CRPPA: variants seen among roughly 807,000 people sequenced by gnomAD.
CRPPA encodes the protein CDP-L-ribitol pyrophosphorylase A, also known as D-ribitol-5-phosphate cytidylyltransferase.
Under a neutral mutation model 52.0 loss-of-function variants are expected in CRPPA, and 43 were observed. The observed-to-expected ratio is 0.83, with a 90% confidence interval of 0.65 to 1.07. The LOEUF is 1.07. Ranked by LOEUF, CRPPA falls within the 50% of genes least tolerant of loss-of-function variation. CRPPA has a pLI of 0.00. For synonymous variants in CRPPA, 250 were observed against 203.5 expected (o/e 1.23, Z -1.94); for missense variants, 629 against 551.7 (o/e 1.14, Z -1.40).
At position 16,421,380 on chromosome 7, in the gene CRPPA, T is replaced by TC. The variant is rs1486399607; in HGVS notation, c.-59dup. ...TCGGGCCGATGCGACCCCGCGCTGC[T>TC]CCCACCCTCGGCCGGGGTCGCGGGG... On this transcript the variant is annotated 5_prime_UTR_variant, in exon 1 of 10. Transcript: ENST00000407010. 4 of 1,214,756 alleles carry TC rather than the reference T, an allele frequency of 3.3e-6. No homozygotes were observed. The highest frequency in any genetic ancestry group is 4.1e-6 in the Non-Finnish European group (4 of 976,934). 75.2% of individuals were successfully genotyped at this position (1,214,756 alleles called of 1,614,324 possible).
chr7:16,205,131 T>C (rs934244064), intron 9 of CRPPA, among the ~76,000 whole-genome samples: 6 of 152,186 alleles, frequency 3.9e-5, no homozygotes, highest in Non-Finnish European at 8.8e-5. Flanking sequence ...TATTCACCAT[T>C]ACTTATGTTC....
chr7:16,255,543 A>G (rs1022965010), intron 8 of CRPPA, among the ~76,000 whole-genome samples: 2 of 152,222 alleles, frequency 1.3e-5, no homozygotes. Flanking sequence ...TTCAAACTAT[A>G]CTGCAAGGCT....
intron 9 of CRPPA, chr7:16,209,273 C>CTTTTCTTTTTTTTTTTTTTTTTTTT (rs1782058536): frequency 8.2e-6 from 1 of 122,066 alleles, no homozygotes; most frequent in Non-Finnish European, 1.8e-5. Flanking sequence ...TTCTAAGTGT[C>CTTTTCTTTTTTTTTTTTTTTTTTTT]TTTTTTTTTT....
chr7:16,362,288 C>T (rs1236844777), intron 3 of CRPPA, among the ~76,000 whole-genome samples: 1 of 152,174 alleles, frequency 6.6e-6, no homozygotes, highest in South Asian at 2.1e-4. Context: ...ATCACTGTGC[C>T]AGCAGATTTG....
intron 3 of CRPPA, among the ~76,000 whole-genome samples, chr7:16,340,839 G>C (rs1041054825): frequency 6.6e-6 from 1 of 152,076 alleles, no homozygotes; most frequent in Non-Finnish European, 1.5e-5. Flanking sequence ...AATTTCTAAA[G>C]CTTGGAAGCA....
chr7:16,205,489 A>G (rs1781955330), intron 9 of CRPPA, among the ~76,000 whole-genome samples: 6 of 152,156 alleles, frequency 3.9e-5, no homozygotes, highest in Admixed American at 3.9e-4. Context: ...TAAACTGGTA[A>G]TTTTTAGGCT....
At chr7:16,137,120 G>T (rs1300114849) in intron 9 of CRPPA, among the ~76,000 whole-genome samples, 1 of 152,208 alleles carries the variant, frequency 6.6e-6, no homozygotes, top group African/African-American at 2.4e-5. Context: ...GCCCCCAGAG[G>T]CAGGACCTTT....
intron 3 of CRPPA, among the ~76,000 whole-genome samples, chr7:16,359,376 T>C (rs1031188318): frequency 6.6e-6 from 1 of 152,212 alleles, no homozygotes; most frequent in Non-Finnish European, 1.5e-5. Flanking sequence ...ACAAGTACTG[T>C]CGTCATTGAA....
chr7:16,112,071 T>C (rs1299645754), intron 9 of CRPPA, among the ~76,000 whole-genome samples: 1 of 152,194 alleles, frequency 6.6e-6, no homozygotes, highest in African/African-American at 2.4e-5. Flanking sequence ...TCCCAGCACT[T>C]TGGGAGGCTA....
At chr7:16,111,525 A>T (rs1030833807) in intron 9 of CRPPA, among the ~76,000 whole-genome samples, 1 of 152,234 alleles carries the variant, frequency 6.6e-6, no homozygotes, top group African/African-American at 2.4e-5. Context: ...GATTAATATA[A>T]GAGTCCATCA....
At chr7:16,094,431 GA>G in intron 9 of CRPPA, among the ~76,000 whole-genome samples, 1 of 151,920 alleles carries the variant, frequency 6.6e-6, no homozygotes, top group East Asian at 1.9e-4. Context: ...ATTAACACAG[GA>G]AAAAAATGCA....
chr7:16,267,194 A>G (rs1783978627), intron 6 of CRPPA, among the ~76,000 whole-genome samples: 1 of 152,196 alleles, frequency 6.6e-6, no homozygotes, highest in Non-Finnish European at 1.5e-5. Flanking sequence ...ATTGATAGCT[A>G]CAAGCCAGAC....
chr7:16,164,436 C>A (rs1781002823), intron 9 of CRPPA, among the ~76,000 whole-genome samples: 1 of 152,132 alleles, frequency 6.6e-6, no homozygotes, highest in Non-Finnish European at 1.5e-5. Context: ...TTCTAAGCTT[C>A]CTTGCGTTGA....
Position 16,089,516 on chromosome 7 carries a change from G to A in CRPPA, c.*2179C>T. ...ATATGTACGTACATACATAGATATG[G>A]GTATATATGTACGTACATACATATA... On this transcript the variant is annotated 3_prime_UTR_variant, in exon 10 of 10. Coordinates refer to ENST00000407010, the MANE Select transcript of CRPPA (RefSeq NM_001101426.4). 3.8e-6 allele frequency: 1 copy of A among 263,804 alleles called. No individual in the cohort carries two copies. Among genetic ancestry groups the A allele is most frequent in the Non-Finnish European group, 8.1e-6 (1 of 122,856 alleles). The allele number at this position is 263,804 out of a possible 1,614,324, so 16.3% of individuals were successfully genotyped here.
At chr7:16,329,255 G>A (rs1046583833) in intron 3 of CRPPA, among the ~76,000 whole-genome samples, 1 of 152,170 alleles carries the variant, frequency 6.6e-6, no homozygotes, top group African/African-American at 2.4e-5. Context: ...CTTTACAGAT[G>A]ACTTCATTGC....
intron 8 of CRPPA, among the ~76,000 whole-genome samples, chr7:16,257,826 A>G (rs73293112): frequency 0.021 from 3,188 of 152,226 alleles, 124 homozygotes; most frequent in African/African-American, 0.072. Flanking sequence ...CCCCTCTGCT[A>G]TATAGTTTAA....
At chr7:16,091,877 C>G in intron 9 of CRPPA, 78 bp from the exon 10 acceptor site, 4 of 801,260 alleles carry the variant, frequency 5.0e-6, no homozygotes, top group Non-Finnish European at 7.5e-6. Context: ...AGCCACTTTT[C>G]AAGATCTGCT....
chr7:16,350,230 C>T (rs1198708797), intron 3 of CRPPA, among the ~76,000 whole-genome samples: 2 of 152,012 alleles, frequency 1.3e-5, no homozygotes, highest in East Asian at 3.9e-4. Flanking sequence ...GTAGACCTAC[C>T]TTATAAAAAA....
At chr7:16,389,918 A>AT (rs1244722979) in intron 2 of CRPPA, among the ~76,000 whole-genome samples, 3 of 63,014 alleles carry the variant, frequency 4.8e-5, no homozygotes, top group Admixed American at 1.9e-4. Flanking sequence ...GTATACAAAA[A>AT]AAAAAAAAAA....
Sources: gnomAD v4.1 joint callset for allele counts (sites outside exome capture counted in the v4.1 genomes callset) on GRCh38, gnomAD v4.1.1 for gene constraint, MANE v1.5 for transcripts, NCBI Gene and HGNC (gene_info 2026-07-23, HGNC 2026-07-21) for gene names.